The following RNF130 variants were observed in gnomAD, a reference collection of about 807,000 sequenced individuals.
RNF130 encodes E3 ubiquitin-protein ligase RNF130.
RNF130 carries 21 observed loss-of-function variants against 44.6 expected under a neutral mutation model. The ratio of observed to expected loss-of-function variants is 0.47; its 90% CI spans 0.33 to 0.68. The LOEUF (loss-of-function observed/expected upper bound fraction) is 0.68. RNF130 is among the 30% of genes least tolerant of loss of function. RNF130 has a pLI of 0.02. For synonymous variants in RNF130, 214 were observed against 210.4 expected (o/e 1.02, Z -0.15); for missense variants, 479 against 560.6 (o/e 0.85, Z 1.47).
intron 1 of RNF130, among the ~76,000 whole-genome samples, chr5:180,047,576 C>G (rs1466815346): frequency 2.0e-5 from 3 of 152,112 alleles, no homozygotes. Context: ...GAAACCCTGT[C>G]TCTATTAAAA....
At chr5:180,046,048 G>C (rs865791032) in intron 1 of RNF130, among the ~76,000 whole-genome samples, 1 of 152,112 alleles carries the variant, frequency 6.6e-6, no homozygotes, top group Admixed American at 6.5e-5. Flanking sequence ...ACGGAGGGGG[G>C]TGGGGCTCGG....
chr5:180,038,410 TG>T (rs59240958), intron 2 of RNF130, among the ~76,000 whole-genome samples: 73,849 of 142,296 alleles, frequency 0.52, 20,310 homozygotes, highest in South Asian at 0.73. Flanking sequence ...AAGCCTGTTT[TG>T]TTTTTTTTTT....
intron 2 of RNF130, among the ~76,000 whole-genome samples, chr5:180,020,317 T>C (rs1763842607): frequency 6.6e-6 from 1 of 152,110 alleles, no homozygotes; most frequent in South Asian, 2.1e-4. Flanking sequence ...GGGAAGCACG[T>C]GACTACGGAG....
At chr5:179,998,128 T>C (rs116592822) in intron 3 of RNF130, among the ~76,000 whole-genome samples, 1,848 of 152,340 alleles carry the variant, frequency 0.012, 34 homozygotes, top group African/African-American at 0.042. Context: ...CGTGAGCCAC[T>C]GTGCTTGGCC....
chr5:180,017,818 G>A (rs1043514369), intron 2 of RNF130, among the ~76,000 whole-genome samples: 2 of 152,196 alleles, frequency 1.3e-5, no homozygotes, highest in East Asian at 3.8e-4. Context: ...CGGAATCGGA[G>A]GGTCTAGGTT....
chr5:179,925,611 G>A (rs148613518), intron 7 of RNF130, among the ~76,000 whole-genome samples: 21 of 152,218 alleles, frequency 1.4e-4, no homozygotes, highest in Admixed American at 4.6e-4. Context: ...TCACTGCAGC[G>A]TCAACCTCCT....
At chr5:180,066,054 A>G (rs1765100327) in intron 1 of RNF130, among the ~76,000 whole-genome samples, 1 of 152,198 alleles carries the variant, frequency 6.6e-6, no homozygotes, top group Admixed American at 6.5e-5. Flanking sequence ...CTGCTGCATA[A>G]TATGTGCATA....
downstream of RNF130, among the ~76,000 whole-genome samples, chr5:179,952,437 C>G (rs1013528356): frequency 6.6e-6 from 1 of 152,030 alleles, no homozygotes; most frequent in Non-Finnish European, 1.5e-5. Flanking sequence ...AAAGAATTAA[C>G]ACAATTCTTC....
At position 179,977,542 on chromosome 5, in the gene RNF130, T is replaced by TA. The variant is rs1762740669; in HGVS notation, c.848+660dup. Among the ~76,000 whole-genome samples, 1 of 152,140 alleles carries TA rather than the reference T, an allele frequency of 6.6e-6. No homozygotes were observed. The highest frequency in any genetic ancestry group is 2.4e-5 in the African/African-American group (1 of 41,434). ...AGTTCATGTTCAGCTGTGCGCAACA[T>TA]AGTGAGAACCCCATCTTTAAAGAAA... On this transcript the variant is annotated intron_variant, in intron 5 of 8. Coordinates refer to ENST00000521389, the MANE Select transcript of RNF130 (RefSeq NM_018434.6). This position sits in a 1 kb window ranked among gnomAD's most constrained non-coding sequence, Gnocchi z 4.1.
At chr5:180,007,918 C>G (rs908476463) in intron 3 of RNF130, among the ~76,000 whole-genome samples, 13 of 152,092 alleles carry the variant, frequency 8.5e-5, no homozygotes, top group African/African-American at 3.1e-4. Flanking sequence ...CAACACCACT[C>G]CAGAGCAGCT....
At position 179,966,884 on chromosome 5, in the gene RNF130, G is replaced by C. The variant is rs368728115; in HGVS notation, c.1072C>G (p.Arg358Gly). 64 of 1,614,094 alleles carry C rather than the reference G, an allele frequency of 4.0e-5. No individual in the cohort carries two copies. Among genetic ancestry groups the C allele is most frequent in the Non-Finnish European group, 5.2e-5 (61 of 1,180,042 alleles). The change falls in exon 7 of 9, where the codon CGA becomes GGA. Residue 358 changes from arginine to glycine, a missense_variant. By Grantham distance (125) the Arg-to-Gly change is moderately radical (BLOSUM62 -2). This residue lies in a region of RNF130 where 161 missense variants were observed against 158.6 expected (regional missense o/e 1.02). Transcript: ENST00000521389. Reference sequence around the variant, plus strand: ...GGAAGAGGTGAGATCCCCGAAGTTCGAAGTGGCTCAAGGCCAAGGGAGTTG... The same window carrying C: ...GGAAGAGGTGAGATCCCCGAAGTTCCAAGTGGCTCAAGGCCAAGGGAGTTG... ...GDNSLGLEPLRTSGISPLPQD... is the reference protein window; with the variant it reads ...GDNSLGLEPLGTSGISPLPQD...
intron 3 of RNF130, among the ~76,000 whole-genome samples, chr5:180,009,750 A>G (rs1425334453): frequency 6.6e-6 from 1 of 152,224 alleles, no homozygotes; most frequent in Non-Finnish European, 1.5e-5. Context: ...GAAATTACAC[A>G]TTTATCCCAG....
intron 7 of RNF130, among the ~76,000 whole-genome samples, chr5:179,925,790 C>T (rs1230916398): frequency 1.3e-5 from 2 of 152,296 alleles, no homozygotes; most frequent in South Asian, 2.1e-4. Flanking sequence ...ACCTTGGCCT[C>T]CTAAAGTGCT....
chr5:180,060,398 T>C (rs1157737244), intron 1 of RNF130, among the ~76,000 whole-genome samples: 1 of 152,254 alleles, frequency 6.6e-6, no homozygotes, highest in East Asian at 1.9e-4. Context: ...TCCTTGTTTT[T>C]TCCAGCAAAG....
intron 3 of RNF130, among the ~76,000 whole-genome samples, chr5:180,005,900 T>C (rs747114314): frequency 6.6e-6 from 1 of 152,156 alleles, no homozygotes; most frequent in African/African-American, 2.4e-5. Context: ...GATATAGAAA[T>C]GAATTATCTT....
chr5:180,053,933 G>A (rs1358949297), intron 1 of RNF130, among the ~76,000 whole-genome samples: 2 of 151,214 alleles, frequency 1.3e-5, no homozygotes, highest in African/African-American at 2.4e-5. Context: ...AGGTTCAAGC[G>A]ATTCTCCTGC....
At chr5:179,948,961 ATTTTTTT>A (rs554440602) in intron 7 of RNF130, among the ~76,000 whole-genome samples, 5 of 128,596 alleles carry the variant, frequency 3.9e-5, no homozygotes, top group African/African-American at 1.2e-4. Flanking sequence ...CCTTGGAATA[ATTTTTTT>A]TTTTTTTTTT....
intron 2 of RNF130, among the ~76,000 whole-genome samples, chr5:180,017,749 A>G (rs986727354): frequency 1.3e-5 from 2 of 152,182 alleles, no homozygotes; most frequent in African/African-American, 2.4e-5. Flanking sequence ...AATCCTGACT[A>G]CAAAATCAGT....
chr5:180,032,644 C>A (rs531592815), intron 2 of RNF130, among the ~76,000 whole-genome samples: 1 of 152,136 alleles, frequency 6.6e-6, no homozygotes, highest in Non-Finnish European at 1.5e-5. Context: ...ATCAATTGAC[C>A]GTAAAGATAT....
Sources: allele counts gnomAD v4.1 joint callset (sites outside exome capture counted in the v4.1 genomes callset), GRCh38; gene constraint gnomAD v4.1.1; regional missense constraint gnomAD v4.1.1; non-coding constraint Gnocchi (gnomAD v3.1); transcripts MANE v1.5; gene names NCBI Gene and HGNC (gene_info 2026-07-23, HGNC 2026-07-21).